Variants in MYO16 observed in about 807,000 individuals in gnomAD.
MYO16 encodes myosin XVI, also known as unconventional myosin-XVI.
Under a neutral mutation model 205.3 loss-of-function variants are expected in MYO16, and 94 were observed. The observed-to-expected ratio is 0.46, with a 90% CI of 0.39 to 0.54. MYO16 has a LOEUF of 0.54. MYO16 is among the 20% of genes least tolerant of loss of function. The pLI is 0.00. For synonymous variants in MYO16, 988 were observed against 954.0 expected, an observed-to-expected ratio of 1.04 and a Z score of -0.66; for missense variants, 2,315 against 2,387.5, an observed-to-expected ratio of 0.97 and a Z score of 0.63.
the MYO16 span, among the ~76,000 whole-genome samples, chr13:108,538,761 C>T: frequency 6.6e-6 from 1 of 152,014 alleles, no homozygotes; most frequent in Non-Finnish European, 1.5e-5. Flanking sequence ...AGCACTATGG[C>T]TAGAAAACTC....
At chr13:108,710,992 A>G (rs1168949226) in intron 2 of MYO16, among the ~76,000 whole-genome samples, 1 of 152,246 alleles carries the variant, frequency 6.6e-6, no homozygotes, top group Non-Finnish European at 1.5e-5. Context: ...TGAACTTTCT[A>G]TTCTCATGAA....
chr13:108,978,760 G>C (rs749900920), intron 20 of MYO16, among the ~76,000 whole-genome samples: 1 of 151,924 alleles, frequency 6.6e-6, no homozygotes, highest in Non-Finnish European at 1.5e-5. Flanking sequence ...AAAACAGTTT[G>C]TACTAAATGA....
chr13:108,498,545 TCTGTA>T, the MYO16 span, among the ~76,000 whole-genome samples: 1 of 152,184 alleles, frequency 6.6e-6, no homozygotes, highest in African/African-American at 2.4e-5. Flanking sequence ...TACATTCTGC[TCTGTA>T]CTAGAAATAA....
At chr13:108,754,849 T>C (rs1319645958) in intron 4 of MYO16, among the ~76,000 whole-genome samples, 1 of 152,180 alleles carries the variant, frequency 6.6e-6, no homozygotes, top group Non-Finnish European at 1.5e-5. Flanking sequence ...AGTTTGGCAT[T>C]ACACTCTGCA....
intron 1 of MYO16, among the ~76,000 whole-genome samples, chr13:108,631,325 T>G (rs1879970949): frequency 6.6e-6 from 1 of 152,174 alleles, no homozygotes; most frequent in Non-Finnish European, 1.5e-5. Context: ...GACAGTGACA[T>G]GGACGTGAGA....
chr13:108,649,676 T>C (rs1880912478), intron 1 of MYO16, among the ~76,000 whole-genome samples: 1 of 152,194 alleles, frequency 6.6e-6, no homozygotes, highest in African/African-American at 2.4e-5. Context: ...TTATTCTGAA[T>C]TGGTATAATA....
chr13:108,548,787 G>C, the MYO16 span, among the ~76,000 whole-genome samples: 10 of 152,234 alleles, frequency 6.6e-5, no homozygotes, highest in Non-Finnish European at 1.5e-4. Context: ...TTCAAGATTA[G>C]CAAATAGGGT....
At chr13:108,627,104 T>A (rs1879772608), upstream of MYO16, among the ~76,000 whole-genome samples, 1 of 151,194 alleles carries the variant, frequency 6.6e-6, no homozygotes, top group Non-Finnish European at 1.5e-5. Context: ...TTTTAAAAAA[T>A]TTTATGAAGG....
the MYO16 span, among the ~76,000 whole-genome samples, chr13:108,561,269 C>T: frequency 3.6e-4 from 55 of 152,176 alleles, no homozygotes; most frequent in Non-Finnish European, 6.9e-4. Flanking sequence ...TGTCTCTTTC[C>T]CATTAGTTCA....
At chr13:108,821,600 A>G (rs1875973670) in intron 8 of MYO16, among the ~76,000 whole-genome samples, 1 of 152,158 alleles carries the variant, frequency 6.6e-6, no homozygotes, top group African/African-American at 2.4e-5. Flanking sequence ...TCAAGTTCGT[A>G]TTCCTGGCTT....
chr13:108,507,890 T>C, the MYO16 span, among the ~76,000 whole-genome samples: 14 of 152,102 alleles, frequency 9.2e-5, no homozygotes, highest in Non-Finnish European at 1.3e-4. Context: ...ATCCTCAAAT[T>C]CAGCATTTTT....
At chr13:108,520,046 G>A in the MYO16 span, among the ~76,000 whole-genome samples, 4 of 151,994 alleles carry the variant, frequency 2.6e-5, no homozygotes, top group Non-Finnish European at 5.9e-5. Flanking sequence ...GTGCATTTTC[G>A]CTGAGAAAAT....
intron 27 of MYO16, among the ~76,000 whole-genome samples, chr13:109,097,716 T>G (rs1291896321): frequency 6.6e-6 from 1 of 152,196 alleles, no homozygotes; most frequent in Non-Finnish European, 1.5e-5. Flanking sequence ...GCACTGCAAA[T>G]TCAGTCTCAG....
chr13:108,541,894 G>T, the MYO16 span, among the ~76,000 whole-genome samples: 1 of 152,290 alleles, frequency 6.6e-6, no homozygotes, highest in Admixed American at 6.5e-5. Context: ...ATTGTGGAAA[G>T]CAGTTTGGTG....
At chr13:108,804,399 A>G (rs776947922) in intron 6 of MYO16, among the ~76,000 whole-genome samples, 4 of 152,022 alleles carry the variant, frequency 2.6e-5, no homozygotes, top group Non-Finnish European at 5.9e-5. Flanking sequence ...GAATGTTCTG[A>G]GACACCACAG....
At chr13:108,870,003 T>C (rs1399055467) in intron 12 of MYO16, among the ~76,000 whole-genome samples, 2 of 151,556 alleles carry the variant, frequency 1.3e-5, no homozygotes, top group African/African-American at 4.8e-5. Flanking sequence ...ATATTTCTTA[T>C]CTCAGGAGAA....
intron 34 of MYO16, among the ~76,000 whole-genome samples, chr13:109,183,486 T>C (rs1879544983): frequency 3.3e-5 from 5 of 152,172 alleles, no homozygotes; most frequent in Admixed American, 3.3e-4. Context: ...TGTTTAGGGG[T>C]CCACACTTGA....
chr13:108,647,018 C>T (rs917624545), intron 1 of MYO16, among the ~76,000 whole-genome samples: 1 of 152,072 alleles, frequency 6.6e-6, no homozygotes, highest in African/African-American at 2.4e-5. Flanking sequence ...ACATTTGTAT[C>T]ACAGTCATAT....
At chr13:108,803,594 T>C (rs1483362716) in intron 6 of MYO16, among the ~76,000 whole-genome samples, 1 of 152,208 alleles carries the variant, frequency 6.6e-6, no homozygotes, top group Non-Finnish European at 1.5e-5. Flanking sequence ...TGTCTGTTTT[T>C]ACCCAGGCCT....
Sources: gnomAD v4.1 joint callset for allele counts (sites outside exome capture counted in the v4.1 genomes callset) on GRCh38, gnomAD v4.1.1 for gene constraint, MANE v1.5 for transcripts, NCBI Gene and HGNC (gene_info 2026-07-23, HGNC 2026-07-21) for gene names.